Variants in DDX10 observed in about 807,000 individuals in gnomAD.
DDX10 encodes the protein DEAD-box helicase 10.
A neutral mutation model predicts 104.3 loss-of-function variants in DDX10; 74 were observed. The ratio of observed to expected loss-of-function variants is 0.71; its 90% CI spans 0.59 to 0.86. The LOEUF is 0.86. Ranked by LOEUF, DDX10 falls within the 40% of genes least tolerant of loss-of-function variation. The pLI, the probability that DDX10 is intolerant of heterozygous loss-of-function variation, is 0.00. For synonymous variants in DDX10, 351 were observed against 353.4 expected (o/e 0.99, Z 0.08); for missense variants, 952 against 1,040.0 (o/e 0.92, Z 1.16).
chr11:108,665,786 T>C (rs981790506), intron 1 of DDX10, among the ~76,000 whole-genome samples: 1 of 152,118 alleles, frequency 6.6e-6, no homozygotes, highest in Non-Finnish European at 1.5e-5. Flanking sequence ...GCTTAGTAGG[T>C]GGTGTGGAAT....
chr11:108,667,892 A>T (rs1027133473), intron 1 of DDX10, among the ~76,000 whole-genome samples: 1 of 152,112 alleles, frequency 6.6e-6, no homozygotes, highest in African/African-American at 2.4e-5. Flanking sequence ...GTCTGCGATG[A>T]TTGGCTTCTT....
At chr11:108,795,507 A>C (rs1188960025) in intron 13 of DDX10, among the ~76,000 whole-genome samples, 5 of 78,816 alleles carry the variant, frequency 6.3e-5, no homozygotes, top group South Asian at 5.4e-4. Context: ...CCACCCCACA[A>C]CAGGCCCCAG....
intron 6 of DDX10, among the ~76,000 whole-genome samples, chr11:108,685,405 A>G (rs928451865): frequency 6.6e-6 from 1 of 151,364 alleles, no homozygotes; most frequent in Non-Finnish European, 1.5e-5. Flanking sequence ...CACGGTGCGC[A>G]CACACACTGG....
In DDX10 at chr11:108,673,513, A is replaced by G. The variant is rs757158141; in HGVS notation, c.233A>G (p.Lys78Arg). 1.3e-6 allele frequency: 2 copies of G among 1,597,938 alleles called. No homozygotes were observed. The highest frequency in any genetic ancestry group is 1.1e-5 in the South Asian group (1 of 90,536). Residue 78 changes from lysine to arginine, a missense_variant, in exon 2 of 18, where the codon AAA (lysine) becomes AGA (arginine). Around this residue, in one of 3 missense-constraint regions of DDX10, gnomAD observed 412 missense variants for 479.2 expected, o/e 0.86. Transcript: ENST00000322536. The stretch of plus-strand genomic sequence containing the variant: ...AGATTTTCAGATTTTCCCTTGTCCA[A>G]AAAAACATTGAAAGGTAAGTATATG... ...ITRFSDFPLS[K>R]KTLKGLQEAQ...
At chr11:108,802,399 T>G (rs1419786464) in intron 13 of DDX10, among the ~76,000 whole-genome samples, 3 of 152,086 alleles carry the variant, frequency 2.0e-5, no homozygotes, top group African/African-American at 7.2e-5. Flanking sequence ...TGACTGAAAA[T>G]ATGTCAGGTG....
At chr11:108,675,456 T>A in intron 2 of DDX10, 140 bp from the exon 3 acceptor site, 2 of 870,534 alleles carry the variant, frequency 2.3e-6, no homozygotes, top group Non-Finnish European at 3.4e-6. Context: ...TTAAAGGCCC[T>A]GTCTCCAAGT....
intron 15 of DDX10, among the ~76,000 whole-genome samples, chr11:108,842,600 T>C (rs1009687146): frequency 1.3e-5 from 2 of 152,204 alleles, no homozygotes; most frequent in Non-Finnish European, 2.9e-5. Flanking sequence ...AAAATGAATG[T>C]TGAGAAAAGC....
At chr11:108,673,595 T>A in intron 2 of DDX10, 68 bp downstream of exon 2, 2 of 1,178,706 alleles carry the variant, frequency 1.7e-6, no homozygotes, top group Non-Finnish European at 2.5e-6. Context: ...GGGAGAAGAT[T>A]TAGAGGGTTT....
chr11:108,735,007 T>G (rs1329618180), intron 13 of DDX10, among the ~76,000 whole-genome samples: 4 of 152,216 alleles, frequency 2.6e-5, no homozygotes. Flanking sequence ...GGGAGGACTG[T>G]CTTTGTGATG....
intron 13 of DDX10, among the ~76,000 whole-genome samples, chr11:108,750,065 G>A (rs1436515834): frequency 6.6e-6 from 1 of 152,096 alleles, no homozygotes; most frequent in Non-Finnish European, 1.5e-5. Flanking sequence ...GAATGTTGTG[G>A]TTGTCCTTTG....
chr11:108,814,893 A>G (rs893732456), intron 13 of DDX10, among the ~76,000 whole-genome samples: 2 of 152,232 alleles, frequency 1.3e-5, no homozygotes, highest in East Asian at 1.9e-4. Flanking sequence ...TGACAGTTTA[A>G]TGATATAGTC....
Position 108,673,523 on chromosome 11 carries a change from G to T in DDX10, c.243G>T (p.Leu81Phe). 2 of 1,589,166 alleles carry T rather than the reference G, an allele frequency of 1.3e-6. No homozygotes were observed. The highest frequency in any genetic ancestry group is 2.2e-5 in the South Asian group (2 of 90,354). ...ATTTTCCCTTGTCCAAAAAAACATT[G>T]AAAGGTAAGTATATGGTGATCTTGG... Reference protein sequence around the residue: ...FSDFPLSKKTLKGLQEAQYRL... With the variant: ...FSDFPLSKKTFKGLQEAQYRL... The change falls in exon 2 of 18, where the codon TTG (leucine) becomes TTT (phenylalanine). Residue 81 changes from leucine to phenylalanine, a missense_variant. Leu to Phe is a conservative substitution (Grantham distance 22, BLOSUM62 0). Around this residue, in one of 3 missense-constraint regions of DDX10, gnomAD observed 412 missense variants for 479.2 expected, o/e 0.86. Coordinates refer to ENST00000322536, the MANE Select transcript of DDX10 (RefSeq NM_004398.4).
chr11:108,795,067 A>G (rs1016482271), intron 13 of DDX10, among the ~76,000 whole-genome samples: 4 of 151,958 alleles, frequency 2.6e-5, no homozygotes, highest in African/African-American at 7.2e-5. Context: ...GCCTCATGTG[A>G]TCCGCACACC....
At chr11:108,891,704 C>A (rs1863378407) in intron 16 of DDX10, among the ~76,000 whole-genome samples, 1 of 152,046 alleles carries the variant, frequency 6.6e-6, no homozygotes, top group Admixed American at 6.6e-5. Context: ...CAGCACGAAC[C>A]CGGTCCTCTA....
rs369979948 is a variant in DDX10, at chr11:108,795,071, G to A, written c.1966-43375G>A. 3.5e-4 allele frequency among the ~76,000 whole-genome samples: 53 copies of A among 152,042 alleles called. No individual in the cohort carries two copies. In the South Asian group the frequency reaches 9.6e-3, roughly 27 times the overall value. On this transcript the variant is annotated intron_variant, in intron 13 of 17. Coordinates refer to ENST00000322536, the MANE Select transcript of DDX10 (RefSeq NM_004398.4). The stretch of plus-strand genomic sequence containing the variant: ...TTGAACTCCTGGCCTCATGTGATCC[G>A]CACACCTTGGCCTGCCAAAGTGCTA...
At chr11:108,845,915 C>T (rs997145879) in intron 15 of DDX10, among the ~76,000 whole-genome samples, 1 of 152,148 alleles carries the variant, frequency 6.6e-6, no homozygotes, top group African/African-American at 2.4e-5. Context: ...TTTGCATGTG[C>T]ACTCATTCTT....
At chr11:108,722,091 C>T (rs1219935493) in intron 12 of DDX10, among the ~76,000 whole-genome samples, 1 of 152,242 alleles carries the variant, frequency 6.6e-6, no homozygotes, top group Admixed American at 6.5e-5. Flanking sequence ...GGGAAAGCTC[C>T]GGTATGGAAA....
chr11:108,871,621 C>A (rs1185548212), intron 16 of DDX10, among the ~76,000 whole-genome samples: 1 of 152,166 alleles, frequency 6.6e-6, no homozygotes, highest in Non-Finnish European at 1.5e-5. Flanking sequence ...CTTACCAGTC[C>A]CACGAATTTA....
At chr11:108,854,399 G>A (rs756065499) in intron 16 of DDX10, among the ~76,000 whole-genome samples, 6 of 152,148 alleles carry the variant, frequency 3.9e-5, no homozygotes, top group Non-Finnish European at 7.4e-5. Context: ...TTGTCTTCTC[G>A]TTGATCCTCT....
Sources: allele counts gnomAD v4.1 joint callset (sites outside exome capture counted in the v4.1 genomes callset), GRCh38; gene constraint gnomAD v4.1.1; regional missense constraint gnomAD v4.1.1; transcripts MANE v1.5; gene names NCBI Gene and HGNC (gene_info 2026-07-23, HGNC 2026-07-21).